KIAA1549L: variants seen among roughly 807,000 people sequenced by gnomAD.
The protein encoded by KIAA1549L is UPF0606 protein KIAA1549L.
A neutral mutation model predicts 160.7 loss-of-function variants in KIAA1549L; 88 were observed. The ratio of observed to expected loss-of-function variants is 0.55; its 90% CI spans 0.46 to 0.65. The LOEUF is 0.65. Ranked by LOEUF, KIAA1549L falls within the 30% of genes least tolerant of loss-of-function variation. KIAA1549L has a pLI of 0.00. For missense variants in KIAA1549L, 2,258 were observed against 2,437.5 expected (o/e 0.93, Z 1.55); for synonymous variants, 950 against 976.7 (o/e 0.97, Z 0.51).
intron 1 of KIAA1549L, among the ~76,000 whole-genome samples, chr11:33,520,683 CA>C (rs1853464194): frequency 3.8e-5 from 2 of 52,224 alleles, no homozygotes; most frequent in African/African-American, 1.7e-4. Context: ...CCCCCACCCC[CA>C]ACACACACAC....
At chr11:33,563,086 G>A (rs910124611) in intron 8 of KIAA1549L, among the ~76,000 whole-genome samples, 12 of 151,938 alleles carry the variant, frequency 7.9e-5, no homozygotes, top group Admixed American at 6.6e-4. Flanking sequence ...GGCCGGGTGT[G>A]ATGGCTCACC....
chr11:33,635,657 C>T (rs1028047230), intron 16 of KIAA1549L, among the ~76,000 whole-genome samples: 10 of 152,146 alleles, frequency 6.6e-5, no homozygotes, highest in Non-Finnish European at 1.2e-4. Context: ...TATCCCTCTT[C>T]GTTAAGCCCA....
chr11:33,410,439 C>T (rs1850764499), intron 1 of KIAA1549L, among the ~76,000 whole-genome samples: 1 of 152,180 alleles, frequency 6.6e-6, no homozygotes, highest in Non-Finnish European at 1.5e-5. Flanking sequence ...AAAGAGGTAG[C>T]TGTTGCCACA....
chr11:33,615,512 A>G (rs1040574485), intron 15 of KIAA1549L, among the ~76,000 whole-genome samples: 1 of 152,134 alleles, frequency 6.6e-6, no homozygotes, highest in Non-Finnish European at 1.5e-5. Flanking sequence ...AAAACAGGTA[A>G]TTTCTCTACC....
intron 16 of KIAA1549L, among the ~76,000 whole-genome samples, chr11:33,625,064 C>G (rs1851063157): frequency 6.6e-6 from 1 of 151,606 alleles, no homozygotes; most frequent in Non-Finnish European, 1.5e-5. Flanking sequence ...CAATTTCATC[C>G]ATGTCCCTAC....
intron 8 of KIAA1549L, among the ~76,000 whole-genome samples, chr11:33,565,945 C>T (rs576940913): frequency 7.9e-5 from 12 of 152,160 alleles, no homozygotes; most frequent in East Asian, 5.8e-4. Flanking sequence ...CCCAGGAGGT[C>T]GGGGCTGCAG....
intron 1 of KIAA1549L, among the ~76,000 whole-genome samples, chr11:33,524,412 G>A (rs899618155): frequency 2.0e-5 from 3 of 151,750 alleles, no homozygotes; most frequent in Non-Finnish European, 4.4e-5. Flanking sequence ...GACCCAAAGA[G>A]GTCTTTTGAA....
chr11:33,413,548 C>T (rs1410513767), intron 1 of KIAA1549L, among the ~76,000 whole-genome samples: 1 of 151,814 alleles, frequency 6.6e-6, no homozygotes, highest in Non-Finnish European at 1.5e-5. Context: ...TCCCCCTTAA[C>T]AATCCTAAGT....
chr11:33,506,744 CA>C (rs1480609254), intron 1 of KIAA1549L, among the ~76,000 whole-genome samples: 1 of 149,690 alleles, frequency 6.7e-6, no homozygotes, highest in Non-Finnish European at 1.5e-5. Flanking sequence ...ACAACAACAA[CA>C]AAAAACATTC....
intron 1 of KIAA1549L, among the ~76,000 whole-genome samples, chr11:33,490,279 G>A (rs1852626583): frequency 6.6e-6 from 1 of 151,346 alleles, no homozygotes; most frequent in South Asian, 2.1e-4. Flanking sequence ...AGGCATGAAG[G>A]TTCTGAGTGT....
intron 17 of KIAA1549L, among the ~76,000 whole-genome samples, chr11:33,651,076 G>A (rs181154444): frequency 1.3e-5 from 2 of 152,286 alleles, no homozygotes; most frequent in Non-Finnish European, 2.9e-5. Flanking sequence ...TATCCACAGA[G>A]TGTAAATGTA....
At position 33,435,790 on chromosome 11, in the gene KIAA1549L, A is replaced by ATGTGTGTGTGTGTGTG. The variant is rs1210337486; in HGVS notation, c.238+58902_238+58903insGTGTGTGTGTGTGTGT. 1.3e-3 allele frequency among the ~76,000 whole-genome samples: 35 copies of ATGTGTGTGTGTGTGTG among 26,100 alleles called. 2 individuals are homozygous for ATGTGTGTGTGTGTGTG. Among genetic ancestry groups the ATGTGTGTGTGTGTGTG allele is most frequent in the East Asian group, 3.3e-3 (1 of 306 alleles). 17.1% of individuals were successfully genotyped at this position (26,100 alleles called of 152,430 possible). Reference sequence around the variant, plus strand: ...TATATATATATATATATATATATATATATATATATATATATATATATGTGT... The same window carrying ATGTGTGTGTGTGTGTG: ...TATATATATATATATATATATATATATGTGTGTGTGTGTGTGTATATATATATATATATATATGTGT... On this transcript the variant is annotated intron_variant, in intron 1 of 20. Transcript: ENST00000658780.
chr11:33,671,741 G>C lies in KIAA1549L; in HGVS notation c.*3587G>C, dbSNP rs377030952. The C allele has an allele frequency of 2.0e-5, 3 of 152,254 alleles. No individual in the cohort carries two copies. The East Asian group carries it at 5.8e-4, about 29-fold the overall frequency. 9.4% of individuals were successfully genotyped at this position (152,254 alleles called of 1,614,324 possible). ...ATTTAAACATTGATTACATATAAACGAGTTTCCTTTTTTTCTACATAGCAC... is the reference window on the plus strand; with the variant it reads ...ATTTAAACATTGATTACATATAAACCAGTTTCCTTTTTTTCTACATAGCAC... On this transcript the variant is annotated 3_prime_UTR_variant, in exon 21 of 21. Coordinates refer to ENST00000658780, the MANE Select transcript of KIAA1549L (RefSeq NM_012194.3).
chr11:33,521,198 A>C (rs967106453), intron 1 of KIAA1549L, among the ~76,000 whole-genome samples: 1 of 152,262 alleles, frequency 6.6e-6, no homozygotes, highest in African/African-American at 2.4e-5. Context: ...TCTAAAAGGT[A>C]AACTCTTCAT....
intron 14 of KIAA1549L, among the ~76,000 whole-genome samples, chr11:33,608,811 G>A (rs1850573682): frequency 6.6e-6 from 1 of 152,338 alleles, no homozygotes; most frequent in South Asian, 2.1e-4. Flanking sequence ...GCCCTGAACT[G>A]TTCTCTATAA....
intron 16 of KIAA1549L, among the ~76,000 whole-genome samples, chr11:33,638,082 G>A (rs137998272): frequency 5.8e-4 from 88 of 152,244 alleles, no homozygotes; most frequent in African/African-American, 2.0e-3. Flanking sequence ...AGCTAGCTAT[G>A]TCAATCTGTT....
At chr11:33,561,771 T>C in intron 8 of KIAA1549L, 36 bp downstream of exon 8, 2 of 1,414,000 alleles carry the variant, frequency 1.4e-6, no homozygotes, top group East Asian at 2.3e-5. Flanking sequence ...CTCTTCATGC[T>C]GTCAGATTGA....
chr11:33,619,602 A>C (rs1850906725), intron 16 of KIAA1549L, among the ~76,000 whole-genome samples: 1 of 152,210 alleles, frequency 6.6e-6, no homozygotes, highest in African/African-American at 2.4e-5. Flanking sequence ...TTAATGGTCC[A>C]ATTAAAAACA....
chr11:33,512,835 A>G (rs1040154236), intron 1 of KIAA1549L, among the ~76,000 whole-genome samples: 4 of 152,210 alleles, frequency 2.6e-5, no homozygotes, highest in African/African-American at 9.7e-5. Flanking sequence ...GAGAAAAGCA[A>G]TTTGCCCAAG....
Sources: allele counts gnomAD v4.1 joint callset (sites outside exome capture counted in the v4.1 genomes callset), GRCh38; gene constraint gnomAD v4.1.1; transcripts MANE v1.5; gene names NCBI Gene and HGNC (gene_info 2026-07-23, HGNC 2026-07-21).